The following KCNH7 variants were observed in gnomAD, a reference collection of about 807,000 sequenced individuals.
KCNH7 encodes the protein voltage-gated inwardly rectifying potassium channel KCNH7.
In KCNH7, 49 loss-of-function variants were observed where a neutral mutation model predicts 120.8. The ratio of observed to expected loss-of-function variants is 0.41; its 90% CI spans 0.32 to 0.51. The LOEUF (loss-of-function observed/expected upper bound fraction) is 0.51. Ranked by LOEUF, KCNH7 falls within the 20% of genes least tolerant of loss-of-function variation. The pLI, the probability that KCNH7 is intolerant of heterozygous loss-of-function variation, is 0.38. For synonymous variants in KCNH7, 547 were observed against 516.1 expected, an observed-to-expected ratio of 1.06 and a Z score of -0.81; for missense variants, 1,097 against 1,446.6, an observed-to-expected ratio of 0.76 and a Z score of 3.92.
At chr2:162,469,353 G>A (rs546758236) in intron 6 of KCNH7, among the ~76,000 whole-genome samples, 13 of 152,114 alleles carry the variant, frequency 8.5e-5, no homozygotes, top group East Asian at 1.9e-4. Context: ...CAGAAGTACC[G>A]CCAGAGATGT....
chr2:162,633,526 G>T (rs12620566), intron 2 of KCNH7, among the ~76,000 whole-genome samples: 16,187 of 150,552 alleles, frequency 0.11, 1,601 homozygotes, highest in East Asian at 0.31. Flanking sequence ...TTAAAGTTTA[G>T]TATGCTTTCC....
chr2:162,616,931 A>G (rs1038125341), intron 2 of KCNH7, among the ~76,000 whole-genome samples: 2 of 152,128 alleles, frequency 1.3e-5, no homozygotes, highest in Non-Finnish European at 2.9e-5. Flanking sequence ...TTATGCCTAC[A>G]GTGTGTCTTT....
intron 2 of KCNH7, among the ~76,000 whole-genome samples, chr2:162,558,780 C>T (rs1014537765): frequency 1.2e-4 from 18 of 151,374 alleles, no homozygotes; most frequent in Admixed American, 2.6e-4. Flanking sequence ...ATTATTATTA[C>T]ATTAAAAAGA....
intron 8 of KCNH7, among the ~76,000 whole-genome samples, chr2:162,431,805 A>G (rs1395965583): frequency 3.3e-5 from 5 of 152,014 alleles, no homozygotes; most frequent in Middle Eastern, 3.4e-3. Context: ...CTATATTTAA[A>G]AGGAAAAAAA....
intron 12 of KCNH7, among the ~76,000 whole-genome samples, chr2:162,387,465 C>T (rs1686607358): frequency 6.6e-6 from 1 of 151,264 alleles, no homozygotes; most frequent in Non-Finnish European, 1.5e-5. Flanking sequence ...ATTTGATAGA[C>T]ATTAAATAGT....
At chr2:162,457,914 A>G (rs1430250719) in intron 6 of KCNH7, among the ~76,000 whole-genome samples, 1 of 152,204 alleles carries the variant, frequency 6.6e-6, no homozygotes, top group Non-Finnish European at 1.5e-5. Flanking sequence ...CACTGAAACC[A>G]GCAATCTCAT....
At chr2:162,703,499 A>T (rs1184761821) in intron 2 of KCNH7, among the ~76,000 whole-genome samples, 1 of 152,166 alleles carries the variant, frequency 6.6e-6, no homozygotes, top group Non-Finnish European at 1.5e-5. Flanking sequence ...AAAATGTTAG[A>T]ACAAGAAATG....
At chr2:162,422,061 C>T (rs1687723612) in intron 9 of KCNH7, among the ~76,000 whole-genome samples, 2 of 152,032 alleles carry the variant, frequency 1.3e-5, no homozygotes, top group Non-Finnish European at 2.9e-5. Context: ...GATTAATTTA[C>T]AAAAGAATTT....
In KCNH7 at chr2:162,400,286, G is replaced by T; in HGVS notation, c.2310C>A (p.Asp770Glu). The change falls in exon 10 of 16, where the codon GAC (aspartate) becomes GAA (glutamate). Residue 770 changes from aspartate (D) to glutamate (E), a missense_variant. By Grantham distance (45) the Asp-to-Glu change is conservative. Coordinates refer to ENST00000332142, the MANE Select transcript of KCNH7 (RefSeq NM_033272.4). Reference protein sequence around the residue: ...KFKTTHAPPGDTLVHCGDVLT... With the variant: ...KFKTTHAPPGETLVHCGDVLT... ...GGACATCCCCACAGTGAACGAGGGT[G>T]TCTCCTGGAGGTGCATGGGTGGTTT... The T allele has an allele frequency of 6.2e-7, 1 of 1,612,486 alleles. No individual in the cohort carries two copies. Among genetic ancestry groups the T allele is most frequent in the Non-Finnish European group, 8.5e-7 (1 of 1,178,990 alleles).
At chr2:162,392,936 G>A (rs1686788230) in intron 12 of KCNH7, among the ~76,000 whole-genome samples, 1 of 151,802 alleles carries the variant, frequency 6.6e-6, no homozygotes, top group South Asian at 2.1e-4. Context: ...ATGAGAGAGG[G>A]GCAAGTTGCA....
intron 6 of KCNH7, among the ~76,000 whole-genome samples, chr2:162,489,137 T>A (rs1190612421): frequency 2.0e-5 from 3 of 152,246 alleles, no homozygotes; most frequent in African/African-American, 7.2e-5. Flanking sequence ...GCTGCTTAAT[T>A]AAAAATTCCA....
intron 2 of KCNH7, among the ~76,000 whole-genome samples, chr2:162,811,289 T>C (rs558866771): frequency 1.3e-5 from 2 of 152,254 alleles, no homozygotes; most frequent in African/African-American, 4.8e-5. Context: ...GCAATAAAGA[T>C]GACTGGAGAA....
intron 2 of KCNH7, among the ~76,000 whole-genome samples, chr2:162,628,524 G>C (rs1683639456): frequency 6.6e-6 from 1 of 152,014 alleles, no homozygotes; most frequent in Non-Finnish European, 1.5e-5. Context: ...TTGTAGTACA[G>C]ACTATTTCAT....
chr2:162,664,847 C>T (rs1305766681), intron 2 of KCNH7, among the ~76,000 whole-genome samples: 1 of 152,004 alleles, frequency 6.6e-6, no homozygotes, highest in African/African-American at 2.4e-5. Context: ...CATTAAGTTC[C>T]CCAAGTGCTC....
intron 2 of KCNH7, among the ~76,000 whole-genome samples, chr2:162,829,256 AAG>A (rs952675477): frequency 1.3e-5 from 2 of 152,184 alleles, no homozygotes; most frequent in African/African-American, 4.8e-5. Context: ...CAGCACAGTA[AAG>A]AGAGAGAAAA....
chr2:162,430,660 A>G (rs781654283), intron 8 of KCNH7, among the ~76,000 whole-genome samples: 3 of 151,732 alleles, frequency 2.0e-5, no homozygotes, highest in Non-Finnish European at 4.4e-5. Context: ...TGCCTTATAT[A>G]TTTTGTTCAG....
intron 6 of KCNH7, among the ~76,000 whole-genome samples, chr2:162,460,010 C>T (rs547241107): frequency 1.6e-3 from 235 of 148,070 alleles, no homozygotes; most frequent in African/African-American, 5.6e-3. Flanking sequence ...AGGAGAATTG[C>T]TTGAACCCGG....
At chr2:162,490,518 C>A (rs908105144) in intron 6 of KCNH7, among the ~76,000 whole-genome samples, 1 of 152,188 alleles carries the variant, frequency 6.6e-6, no homozygotes, top group African/African-American at 2.4e-5. Flanking sequence ...ATTTTGGGAG[C>A]TCGCACAGGA....
At chr2:162,419,745 G>T (rs915301300) in intron 9 of KCNH7, among the ~76,000 whole-genome samples, 2 of 152,064 alleles carry the variant, frequency 1.3e-5, no homozygotes, top group Non-Finnish European at 2.9e-5. Flanking sequence ...AAGATATATG[G>T]ACCATGGTCA....
Sources: gnomAD v4.1 joint callset for allele counts (sites outside exome capture counted in the v4.1 genomes callset) on GRCh38, gnomAD v4.1.1 for gene constraint, MANE v1.5 for transcripts, NCBI Gene and HGNC (gene_info 2026-07-23, HGNC 2026-07-21) for gene names.